PPP1R9A: variants seen among roughly 807,000 people sequenced by gnomAD.
PPP1R9A encodes the protein neurabin-1.
PPP1R9A carries 59 observed loss-of-function variants against 141.9 expected under a neutral mutation model. That is an observed-to-expected ratio of 0.42 (90% confidence interval 0.34 to 0.52). The LOEUF (loss-of-function observed/expected upper bound fraction) is 0.52, where lower values mean the gene tolerates loss of function less well. Among genes scored for constraint, PPP1R9A ranks in the 20% least tolerant of loss-of-function variants. The pLI is 0.10. For synonymous variants in PPP1R9A, 500 were observed against 569.7 expected (o/e 0.88, Z 1.74); for missense variants, 1,444 against 1,611.9 (o/e 0.90, Z 1.78).
intron 2 of PPP1R9A, among the ~76,000 whole-genome samples, chr7:94,911,855 A>C (rs1391565173): frequency 1.3e-5 from 2 of 152,200 alleles, no homozygotes; most frequent in Non-Finnish European, 2.9e-5. Flanking sequence ...GTTTTACCTA[A>C]AATTATTCAT....
intron 2 of PPP1R9A, among the ~76,000 whole-genome samples, chr7:94,962,097 G>GT (rs1797706200): frequency 1.3e-5 from 2 of 151,946 alleles, no homozygotes; most frequent in South Asian, 4.2e-4. Flanking sequence ...GGAGTGACAG[G>GT]TTTTTTTGTT....
intron 2 of PPP1R9A, among the ~76,000 whole-genome samples, chr7:94,937,539 C>T (rs1213613474): frequency 6.6e-6 from 1 of 152,106 alleles, no homozygotes; most frequent in Non-Finnish European, 1.5e-5. Context: ...TCCTGATGGC[C>T]ACAGCTATCA....
Position 95,129,420 on chromosome 7 carries a change from C to G in PPP1R9A, c.1649+8588C>G, listed in dbSNP as rs147712331. On this transcript the variant is annotated intron_variant, in intron 4 of 19. Transcript: ENST00000433360. ...ACCTTCTGCCATGAACGTGAGGCCT[C>G]CCCACCCACATGGAACTATAAGTCC... 9.2e-3 allele frequency among the ~76,000 whole-genome samples: 1,407 copies of G among 152,302 alleles called. 16 individuals carry two copies. Among genetic ancestry groups the G allele is most frequent in the Admixed American group, 0.015 (232 of 15,294 alleles).
Position 95,290,129 on chromosome 7 carries a change from C to A in PPP1R9A, c.3951C>A (p.Val1317=). The change falls in exon 20 of 20, where the codon GTC becomes GTA. Residue 1317 remains valine (V), a synonymous_variant. Coordinates refer to ENST00000433360, the MANE Select transcript of PPP1R9A (RefSeq NM_001166160.2). Reference sequence around the variant, plus strand: ...CAGCATCCCAGGACCGAGCAGTGGTCAAAAAGAAACTCAAGGAAATGAAGA... The same window carrying A: ...CAGCATCCCAGGACCGAGCAGTGGTAAAAAAGAAACTCAAGGAAATGAAGA... ...GMTASQDRAV[V]KKKLKEMKMS... 2 of 1,613,614 alleles carry A rather than the reference C, an allele frequency of 1.2e-6. No homozygotes were observed. Among genetic ancestry groups the A allele is most frequent in the South Asian group, 1.1e-5 (1 of 90,990 alleles).
chr7:94,945,796 T>TTTCTTATATA (rs1381905346), intron 2 of PPP1R9A, among the ~76,000 whole-genome samples: 11 of 152,198 alleles, frequency 7.2e-5, no homozygotes, highest in African/African-American at 2.4e-4. Flanking sequence ...AAAGAATTTG[T>TTTCTTATATA]TAAGAGGCTT....
At chr7:95,001,202 G>A (rs898824935) in intron 2 of PPP1R9A, among the ~76,000 whole-genome samples, 5 of 152,108 alleles carry the variant, frequency 3.3e-5, no homozygotes, top group African/African-American at 1.2e-4. Flanking sequence ...TTTGAATTCA[G>A]GGAAGGCTGT....
intron 8 of PPP1R9A, among the ~76,000 whole-genome samples, chr7:95,236,541 T>A (rs1226311545): frequency 6.6e-6 from 1 of 151,692 alleles, no homozygotes; most frequent in Admixed American, 6.6e-5. Flanking sequence ...AAAATAATTT[T>A]TAAGTATTGA....
intron 5 of PPP1R9A, among the ~76,000 whole-genome samples, chr7:95,193,571 T>G (rs2152839270): frequency 6.6e-6 from 1 of 152,172 alleles, no homozygotes; most frequent in South Asian, 2.1e-4. Context: ...TCTTTTTAAT[T>G]TTAGCTTCAC....
At chr7:95,038,388 A>C (rs769286757) in intron 2 of PPP1R9A, among the ~76,000 whole-genome samples, 10 of 152,114 alleles carry the variant, frequency 6.6e-5, no homozygotes, top group Non-Finnish European at 1.2e-4. Flanking sequence ...GTGACTTAGA[A>C]ACTCCTACCT....
chr7:95,211,761 A>G (rs1792183209), intron 7 of PPP1R9A, among the ~76,000 whole-genome samples: 1 of 152,102 alleles, frequency 6.6e-6, no homozygotes, highest in Admixed American at 6.6e-5. Context: ...TTGAGGTGGG[A>G]GAATAACTTG....
intron 5 of PPP1R9A, among the ~76,000 whole-genome samples, chr7:95,167,677 T>C (rs894475843): frequency 6.6e-6 from 1 of 152,092 alleles, no homozygotes; most frequent in African/African-American, 2.4e-5. Context: ...AACTCTTAGA[T>C]CTGATAAAAC....
At position 95,004,346 on chromosome 7, in the gene PPP1R9A, A is replaced by G. The variant is rs577299064; in HGVS notation, c.1395+92838A>G. Among the ~76,000 whole-genome samples, 228 of 152,160 alleles carry G rather than the reference A, an allele frequency of 1.5e-3. 1 individual carries two copies. Among genetic ancestry groups the G allele is most frequent in the African/African-American group, 5.2e-3 (216 of 41,530 alleles). ...ACAGTATGACGGCCAAAAAAAAGCT[A>G]TTGGAAGGAGAGGAAGAGAGGACAC... is the stretch of plus-strand genomic sequence containing the variant. On this transcript the variant is annotated intron_variant, in intron 2 of 19. Coordinates refer to ENST00000433360, the MANE Select transcript of PPP1R9A (RefSeq NM_001166160.2).
intron 2 of PPP1R9A, among the ~76,000 whole-genome samples, chr7:95,069,207 G>T (rs1380933016): frequency 6.6e-6 from 1 of 152,198 alleles, no homozygotes; most frequent in Non-Finnish European, 1.5e-5. Context: ...TTCCCAACAT[G>T]TGAGGAGGAT....
intron 2 of PPP1R9A, among the ~76,000 whole-genome samples, chr7:95,068,859 A>G (rs1439451855): frequency 6.6e-6 from 1 of 152,162 alleles, no homozygotes; most frequent in Non-Finnish European, 1.5e-5. Flanking sequence ...CACCTTGCCC[A>G]CTGCTTAGAC....
At chr7:95,070,593 G>GTGTATA (rs376992260) in intron 2 of PPP1R9A, among the ~76,000 whole-genome samples, 2 of 111,940 alleles carry the variant, frequency 1.8e-5, no homozygotes, top group South Asian at 2.4e-4. Context: ...TAAATCTCTG[G>GTGTATA]TATATATATA....
At chr7:95,021,932 A>C (rs1432494844) in intron 2 of PPP1R9A, among the ~76,000 whole-genome samples, 1 of 152,172 alleles carries the variant, frequency 6.6e-6, no homozygotes, top group Non-Finnish European at 1.5e-5. Flanking sequence ...CTTTTTGCTT[A>C]GGATTGTCTT....
At chr7:95,006,342 C>T (rs1232536661) in intron 2 of PPP1R9A, among the ~76,000 whole-genome samples, 2 of 151,700 alleles carry the variant, frequency 1.3e-5, no homozygotes, top group African/African-American at 4.8e-5. Context: ...TTCAGCTCCC[C>T]GAGTAGCTGG....
At chr7:95,171,412 T>A (rs1832091227) in intron 5 of PPP1R9A, among the ~76,000 whole-genome samples, 1 of 151,628 alleles carries the variant, frequency 6.6e-6, no homozygotes, top group Admixed American at 6.6e-5. Context: ...ACAAAATAAA[T>A]TTTAAAAGTC....
intron 8 of PPP1R9A, among the ~76,000 whole-genome samples, chr7:95,241,297 G>T (rs912229070): frequency 2.6e-5 from 4 of 152,150 alleles, no homozygotes; most frequent in Non-Finnish European, 5.9e-5. Context: ...GAATACTGAG[G>T]AAGTTAGAGA....
Sources: gnomAD v4.1 joint callset for allele counts (sites outside exome capture counted in the v4.1 genomes callset) on GRCh38, gnomAD v4.1.1 for gene constraint, MANE v1.5 for transcripts, NCBI Gene and HGNC (gene_info 2026-07-23, HGNC 2026-07-21) for gene names.